Variants in MEP1B observed in about 807,000 individuals in gnomAD.
The protein encoded by MEP1B is meprin A subunit beta.
MEP1B carries 80 observed loss-of-function variants against 84.6 expected under a neutral mutation model. The ratio of observed to expected loss-of-function variants is 0.95; its 90% CI spans 0.79 to 1.14. The LOEUF (loss-of-function observed/expected upper bound fraction) is 1.14. Ranked by LOEUF, MEP1B falls within the 50% of genes most tolerant of loss-of-function variation. The probability of loss-of-function intolerance (pLI) is 0.00; values close to 1 mark genes in which losing one functional copy is unlikely to be tolerated. For missense variants in MEP1B, 766 were observed against 855.1 expected (o/e 0.90, Z 1.30); for synonymous variants, 273 against 288.1 (o/e 0.95, Z 0.53).
intron 8 of MEP1B, 96 bp from the exon 9 acceptor site, chr18:32,208,023 C>A: frequency 7.5e-7 from 1 of 1,326,772 alleles, no homozygotes; most frequent in Non-Finnish European, 1.1e-6. Context: ...CCCTGTAATA[C>A]CAACCTGGCA....
At chr18:32,199,668 G>C (rs200876484) in intron 5 of MEP1B, among the ~76,000 whole-genome samples, 34,002 of 126,788 alleles carry the variant, frequency 0.27, 4,476 homozygotes, top group South Asian at 0.3. Flanking sequence ...CCTTTCGTTC[G>C]TTCCTTCCTT....
chr18:32,199,725 A>T (rs1204661542), intron 5 of MEP1B, among the ~76,000 whole-genome samples: 8 of 102,422 alleles, frequency 7.8e-5, no homozygotes, highest in Non-Finnish European at 1.2e-4. Context: ...CTTTTTTGAG[A>T]CGAGTTCTCA....
chr18:32,209,828 G>A (rs971386245), intron 9 of MEP1B, among the ~76,000 whole-genome samples: 8 of 151,888 alleles, frequency 5.3e-5, no homozygotes, highest in Admixed American at 5.2e-4. Flanking sequence ...AGGGGGGCGG[G>A]CAGGTCAGCC....
intron 10 of MEP1B, among the ~76,000 whole-genome samples, chr18:32,211,502 G>A (rs2041027622): frequency 6.6e-6 from 1 of 152,098 alleles, no homozygotes; most frequent in Non-Finnish European, 1.5e-5. Context: ...TACTTCGGTT[G>A]TTTCACTTCC....
Position 32,217,701 on chromosome 18 carries a change from G to A in MEP1B, c.1887-60G>A, listed in dbSNP as rs534130880. The A allele has an allele frequency of 1.0e-5, 14 of 1,367,944 alleles. No homozygotes were observed. In the African/African-American group the frequency reaches 2.0e-4, roughly 20 times the overall value. The allele number at this position is 1,367,944 out of a possible 1,614,324, so 84.7% of individuals were successfully genotyped here. On this transcript the variant is annotated intron_variant, in intron 13 of 14. Transcript: ENST00000269202. The stretch of plus-strand genomic sequence containing the variant: ...CTAAAGGTGATCCACATCTTTAACT[G>A]TGAAGATTTCTGGAGTTAGATATCA...
At chr18:32,210,380 C>T in intron 9 of MEP1B, 121 bp from the exon 10 acceptor site, 1 of 795,660 alleles carries the variant, frequency 1.3e-6, no homozygotes, top group East Asian at 2.7e-5. Context: ...TCATTTCTCC[C>T]TGGCGATTTA....
intron 10 of MEP1B, among the ~76,000 whole-genome samples, chr18:32,211,566 A>C (rs1210951089): frequency 5.9e-5 from 9 of 152,166 alleles, no homozygotes; most frequent in Non-Finnish European, 1.5e-5. Context: ...CTCTTCCTCT[A>C]ATATAAAGCT....
chr18:32,198,163 A>G (rs1188184369), intron 5 of MEP1B, among the ~76,000 whole-genome samples: 3 of 152,202 alleles, frequency 2.0e-5, no homozygotes, highest in African/African-American at 7.2e-5. Flanking sequence ...TATGCATTAT[A>G]AGCAGAGGAC....
At position 32,192,762 on chromosome 18, in the gene MEP1B, C is replaced by T; in HGVS notation, c.128-12C>T. On this transcript the variant is annotated splice_polypyrimidine_tract_variant and intron_variant, in intron 3 of 14. Transcript: ENST00000269202. ...CCAATTTGCTAACATGAATTTTTAT[C>T]TTTACTCTTAGGTTTGGGACTGGAT... The T allele has an allele frequency of 6.2e-7, 1 of 1,612,700 alleles. No homozygotes were observed. Among genetic ancestry groups the T allele is most frequent in the Non-Finnish European group, 8.5e-7 (1 of 1,179,020 alleles).
At position 32,217,875 on chromosome 18, in the gene MEP1B, G is replaced by A. The variant is rs574488732; in HGVS notation, c.2001G>A (p.Met667Ile). The change falls in exon 14 of 15, where the codon ATG (methionine) becomes ATA (isoleucine). Residue 667 changes from methionine to isoleucine, a missense_variant. Transcript: ENST00000269202. ...VSSTVAVFALMLIITLVSVYC... is the reference protein window; with the variant it reads ...VSSTVAVFALILIITLVSVYC... ...CTACTGTTGCTGTGTTTGCCTTGAT[G>A]CTGATCATCACCCTTGTCAGTGTCT... The A allele has an allele frequency of 1.2e-5, 20 of 1,613,928 alleles. 1 individual carries two copies. In the South Asian group the frequency reaches 2.2e-4, roughly 18 times the overall value.
intron 10 of MEP1B, among the ~76,000 whole-genome samples, chr18:32,212,304 T>G (rs1049123924): frequency 1.3e-5 from 2 of 152,290 alleles, no homozygotes. Flanking sequence ...TATTTTCAAG[T>G]AACTGTGTTT....
At chr18:32,200,229 G>A (rs1475477769) in intron 5 of MEP1B, among the ~76,000 whole-genome samples, 1 of 151,744 alleles carries the variant, frequency 6.6e-6, no homozygotes, top group African/African-American at 2.4e-5. Context: ...AAAAATGTTA[G>A]GTAAAAATTC....
intron 7 of MEP1B, among the ~76,000 whole-genome samples, chr18:32,206,109 G>A (rs2040961831): frequency 6.6e-6 from 1 of 152,074 alleles, no homozygotes; most frequent in South Asian, 2.1e-4. Context: ...AGCCTCCCGA[G>A]TAACTGGGAT....
intron 1 of MEP1B, among the ~76,000 whole-genome samples, chr18:32,190,766 T>G (rs1281519725): frequency 6.6e-6 from 1 of 152,150 alleles, no homozygotes; most frequent in Non-Finnish European, 1.5e-5. Flanking sequence ...TAATTAGGAA[T>G]AAATCCTTGA....
rs774382096 is a variant in MEP1B, at chr18:32,213,189, A to C, written c.1209A>C (p.Glu403Asp). ...KVTKKFRVVFEGRKGSGASLG... is the reference protein window; with the variant it reads ...KVTKKFRVVFDGRKGSGASLG... ...CCAAGAAGTTTAGAGTGGTGTTTGA[A>C]GGACGCAAAGGCTCTGGTGCATCAC... Residue 403 changes from glutamate (E) to aspartate (D), a missense_variant, in exon 11 of 15, where the codon GAA (glutamate) becomes GAC (aspartate). Transcript: ENST00000269202. 6.2e-7 allele frequency: 1 copy of C among 1,614,022 alleles called. No homozygotes were observed. Among genetic ancestry groups the C allele is most frequent in the Non-Finnish European group, 8.5e-7 (1 of 1,179,880 alleles).
chr18:32,201,299 T>TACACAC (rs58057830), intron 5 of MEP1B, among the ~76,000 whole-genome samples: 16,389 of 144,202 alleles, frequency 0.11, 1,030 homozygotes, highest in African/African-American at 0.18. Flanking sequence ...CATATGTAGA[T>TACACAC]ACACACACAC....
rs535983723 is a variant in MEP1B, at chr18:32,217,903, T to C, written c.2029T>C (p.Cys677Arg). The change falls in exon 14 of 15, where the codon TGC becomes CGC. Residue 677 changes from cysteine (C) to arginine (R), a missense_variant. Transcript: ENST00000269202. Reference sequence around the variant, plus strand: ...GATCATCACCCTTGTCAGTGTCTATTGCACCAGGAAGAAATATCGTGAAAG... The same window carrying C: ...GATCATCACCCTTGTCAGTGTCTATCGCACCAGGAAGAAATATCGTGAAAG... ...MLIITLVSVYCTRKKYRERMS... is the reference protein window; with the variant it reads ...MLIITLVSVYRTRKKYRERMS... 2 of 1,613,992 alleles carry C rather than the reference T, an allele frequency of 1.2e-6. No homozygotes were observed. The highest frequency in any genetic ancestry group is 4.5e-5 in the East Asian group (2 of 44,872).
chr18:32,200,787 C>A (rs564511382), intron 5 of MEP1B, among the ~76,000 whole-genome samples: 14 of 152,266 alleles, frequency 9.2e-5, no homozygotes, highest in Non-Finnish European at 1.9e-4. Context: ...TAATTCCTTG[C>A]CTTAGCACCA....
At chr18:32,203,275 G>A (rs2040931210) in intron 6 of MEP1B, 1 of 336,110 alleles carries the variant, frequency 3.0e-6, no homozygotes, top group Admixed American at 4.5e-5. Flanking sequence ...CAGCCCGTTT[G>A]TAATTTACAT....
Sources: allele counts gnomAD v4.1 joint callset (sites outside exome capture counted in the v4.1 genomes callset), GRCh38; gene constraint gnomAD v4.1.1; transcripts MANE v1.5; gene names NCBI Gene and HGNC (gene_info 2026-07-23, HGNC 2026-07-21).